Variants in PCOLCE2 observed in about 807,000 individuals in gnomAD.
PCOLCE2 encodes procollagen C-proteinase enhancer 2.
PCOLCE2 carries 42 observed loss-of-function variants against 47.0 expected under a neutral mutation model. The ratio of observed to expected loss-of-function variants is 0.89; its 90% confidence interval spans 0.70 to 1.16. The LOEUF is 1.16. Among genes scored for constraint, PCOLCE2 ranks in the 50% most tolerant of loss-of-function variants. The pLI, the probability that PCOLCE2 is intolerant of heterozygous loss-of-function variation, is 0.00. For synonymous variants in PCOLCE2, 169 were observed against 191.7 expected, an observed-to-expected ratio of 0.88 and a Z score of 0.98; for missense variants, 500 against 526.1, an observed-to-expected ratio of 0.95 and a Z score of 0.49.
chr3:142,873,324 C>A (rs1933430672), intron 2 of PCOLCE2, among the ~76,000 whole-genome samples: 1 of 148,018 alleles, frequency 6.8e-6, no homozygotes, highest in South Asian at 2.1e-4. Flanking sequence ...ACCCGGGAGG[C>A]AGAGGTTGCA....
At chr3:142,851,961 G>A (rs2108199257) in intron 2 of PCOLCE2, among the ~76,000 whole-genome samples, 1 of 152,272 alleles carries the variant, frequency 6.6e-6, no homozygotes, top group African/African-American at 2.4e-5. Flanking sequence ...TTTTGTACCT[G>A]TTCCCATGGC....
intron 8 of PCOLCE2, among the ~76,000 whole-genome samples, chr3:142,819,369 T>G (rs1488148647): frequency 6.6e-6 from 1 of 152,138 alleles, no homozygotes; most frequent in Non-Finnish European, 1.5e-5. Flanking sequence ...GTGTCCTTTT[T>G]CTCTTGCATT....
At chr3:142,863,016 C>T (rs1182948443) in intron 2 of PCOLCE2, among the ~76,000 whole-genome samples, 2 of 150,788 alleles carry the variant, frequency 1.3e-5, no homozygotes, top group Non-Finnish European at 3.0e-5. Flanking sequence ...AGAATATACC[C>T]CAAGAAAAGT....
intron 2 of PCOLCE2, among the ~76,000 whole-genome samples, chr3:142,861,437 A>G (rs1025510538): frequency 3.3e-5 from 5 of 152,022 alleles, no homozygotes; most frequent in Admixed American, 6.6e-5. Flanking sequence ...TTTCTCTTCA[A>G]TACTCTACCT....
chr3:142,820,808 T>C, intron 8 of PCOLCE2, 70 bp downstream of exon 8: 1 of 1,360,600 alleles, frequency 7.3e-7, no homozygotes, highest in Non-Finnish European at 1.0e-6. Context: ...CTGATTTTAC[T>C]TCCCTAGACC....
chr3:142,826,285 G>A (rs1335967261), intron 6 of PCOLCE2, among the ~76,000 whole-genome samples: 1 of 152,086 alleles, frequency 6.6e-6, no homozygotes, highest in Non-Finnish European at 1.5e-5. Context: ...GGGATTACAG[G>A]TGTAAGCCAC....
intron 5 of PCOLCE2, among the ~76,000 whole-genome samples, chr3:142,830,722 T>C (rs1429984868): frequency 6.6e-6 from 1 of 152,230 alleles, no homozygotes; most frequent in Non-Finnish European, 1.5e-5. Context: ...GATAGTTTCA[T>C]TTAAGTTTTG....
chr3:142,827,589 C>G (rs1252268251), intron 6 of PCOLCE2: 1 of 1,474,972 alleles, frequency 6.8e-7, no homozygotes, highest in African/African-American at 1.4e-5. Context: ...TTGAGCTGGG[C>G]CTTCTTGCCG....
chr3:142,853,750 A>G (rs1270138493), intron 2 of PCOLCE2, among the ~76,000 whole-genome samples: 1 of 152,234 alleles, frequency 6.6e-6, no homozygotes, highest in Non-Finnish European at 1.5e-5. Context: ...AAATGCTAAC[A>G]CTTAATGCAG....
At chr3:142,850,081 A>G (rs958777849) in intron 2 of PCOLCE2, among the ~76,000 whole-genome samples, 17 of 152,226 alleles carry the variant, frequency 1.1e-4, no homozygotes, top group Non-Finnish European at 2.2e-4. Flanking sequence ...AGAACTTAGA[A>G]CAGCTTAAGA....
chr3:142,865,434 T>C (rs1379464955), intron 2 of PCOLCE2, among the ~76,000 whole-genome samples: 1 of 152,094 alleles, frequency 6.6e-6, no homozygotes, highest in African/African-American at 2.4e-5. Context: ...TCTGGTTTCA[T>C]ACATCCATTT....
chr3:142,859,101 C>T (rs28451587), intron 2 of PCOLCE2, among the ~76,000 whole-genome samples: 1,661 of 151,380 alleles, frequency 0.011, 27 homozygotes, highest in African/African-American at 0.037. Flanking sequence ...CTGACTCTGT[C>T]GCCCAGGCTA....
intron 2 of PCOLCE2, among the ~76,000 whole-genome samples, chr3:142,882,754 C>A (rs996008088): frequency 4.6e-5 from 7 of 152,004 alleles, no homozygotes; most frequent in Non-Finnish European, 7.4e-5. Flanking sequence ...CAGATCATCG[C>A]CTTTTAAAAA....
intron 2 of PCOLCE2, among the ~76,000 whole-genome samples, chr3:142,882,683 G>A (rs1192130821): frequency 2.6e-5 from 4 of 151,986 alleles, no homozygotes; most frequent in Non-Finnish European, 4.4e-5. Context: ...AGGCTCAAGC[G>A]ATCCTTCTGC....
At chr3:142,888,565 A>C (rs539532062) in intron 1 of PCOLCE2, 1 of 396,482 alleles carries the variant, frequency 2.5e-6, no homozygotes, top group Admixed American at 4.5e-5. Flanking sequence ...GTGGTGGCCA[A>C]GCCAGCTGCA....
chr3:142,829,738 A>T lies in PCOLCE2; in HGVS notation c.819T>A (p.Pro273=). 2 of 1,610,376 alleles carry T rather than the reference A, an allele frequency of 1.2e-6. No homozygotes were observed. Among genetic ancestry groups the T allele is most frequent in the Non-Finnish European group, 1.7e-6 (2 of 1,177,952 alleles). ...GHYIFRPKKL[P]TTTEQPVTTT... is the part of the protein sequence containing the mutation. ...TGGTGACAGGCTGTTCTGTAGTTGT[A>T]GGCAGTTTTTTTGGCCTGAATATGT... Residue 273 remains proline, a synonymous_variant, in exon 6 of 9, where the codon CCT becomes CCA. Transcript: ENST00000295992.
At chr3:142,841,030 G>A (rs1405286802) in intron 4 of PCOLCE2, among the ~76,000 whole-genome samples, 4 of 145,138 alleles carry the variant, frequency 2.8e-5, no homozygotes, top group African/African-American at 7.8e-5. Flanking sequence ...AGCCGAAATC[G>A]CACCACTGCA....
intron 2 of PCOLCE2, among the ~76,000 whole-genome samples, chr3:142,883,768 T>C (rs921496865): frequency 6.6e-6 from 1 of 152,084 alleles, no homozygotes; most frequent in Non-Finnish European, 1.5e-5. Flanking sequence ...ATGGGAATTA[T>C]AAAATGAACA....
intron 2 of PCOLCE2, among the ~76,000 whole-genome samples, chr3:142,853,978 G>A (rs1371083021): frequency 6.6e-6 from 1 of 152,188 alleles, no homozygotes; most frequent in Non-Finnish European, 1.5e-5. Flanking sequence ...ACAAGCAAAC[G>A]TGCCAAAGCT....
Sources: allele counts gnomAD v4.1 joint callset (sites outside exome capture counted in the v4.1 genomes callset), GRCh38; gene constraint gnomAD v4.1.1; transcripts MANE v1.5; gene names NCBI Gene and HGNC (gene_info 2026-07-23, HGNC 2026-07-21).